Variants in ABCA10 observed in about 807,000 individuals in gnomAD.
The protein encoded by ABCA10 is ATP binding cassette subfamily A member 10.
ABCA10 carries 169 observed loss-of-function variants against 187.5 expected under a neutral mutation model. That is an observed-to-expected ratio of 0.90 (90% CI 0.80 to 1.02). The LOEUF is 1.02. ABCA10 is among the 50% of genes least tolerant of loss of function. ABCA10 has a pLI of 0.00. For missense variants in ABCA10, 1,727 were observed against 1,812.4 expected (o/e 0.95, Z 0.86); for synonymous variants, 574 against 601.8 (o/e 0.95, Z 0.68).
intron 1 of ABCA10, chr17:69,244,237 A>G (rs1333601777): frequency 6.6e-6 from 1 of 152,164 alleles, no homozygotes; most frequent in Non-Finnish European, 1.5e-5. Flanking sequence ...AATGTAAATT[A>G]AAACAAAGTA....
Position 69,239,382 on chromosome 17 carries a change from A to G in ABCA10, c.-593+5147T>C, listed in dbSNP as rs138031370. The stretch of plus-strand genomic sequence containing the variant: ...TGAGCTGCAAAAGATACATATTTAT[A>G]ATTGTAAGCTCCTTTTAGTAAATAA... On this transcript the variant is annotated intron_variant, in intron 1 of 39. Transcript: ENST00000269081. Among the ~76,000 whole-genome samples, 652 of 152,332 alleles carry G rather than the reference A, an allele frequency of 4.3e-3. 2 individuals carry two copies. Among genetic ancestry groups the G allele is most frequent in the Non-Finnish European group, 5.1e-3 (348 of 68,032 alleles).
intron 27 of ABCA10, among the ~76,000 whole-genome samples, chr17:69,162,838 C>CATATAT (rs376385505): frequency 2.0e-4 from 24 of 120,818 alleles, no homozygotes; most frequent in East Asian, 1.5e-3. Context: ...TATACATATA[C>CATATAT]ATATATATAT....
At position 69,182,749 on chromosome 17, in the gene ABCA10, C is replaced by G; in HGVS notation, c.2557G>C (p.Asp853His). Residue 853 changes from aspartate (D) to histidine (H), a missense_variant, in exon 21 of 39, where the codon GAT (aspartate) becomes CAT (histidine). Transcript: ENST00000690296. ...LKCQDIVLEI[D>H]DFRNRNGSDD... ...GAGCCATTTCTGTTTCTAAAGTCATCTATTTCCAAAACTATATCCTGACAC... is the reference window on the plus strand; with the variant it reads ...GAGCCATTTCTGTTTCTAAAGTCATGTATTTCCAAAACTATATCCTGACAC... The G allele has an allele frequency of 1.2e-6, 2 of 1,611,994 alleles. No individual in the cohort carries two copies. Among genetic ancestry groups the G allele is most frequent in the South Asian group, 2.2e-5 (2 of 90,928 alleles).
Position 69,192,612 on chromosome 17 carries a change from C to A in ABCA10, c.1822G>T (p.Gly608Ter). The A allele has an allele frequency of 6.2e-7, 1 of 1,613,630 alleles. No homozygotes were observed. Among genetic ancestry groups the A allele is most frequent in the Non-Finnish European group, 8.5e-7 (1 of 1,179,874 alleles). Residue 608 changes from glycine (G) to a stop codon, truncating the protein, a stop_gained, in exon 16 of 39, where the codon GGA (glycine) becomes TGA (stop). Coordinates refer to ENST00000690296, the MANE Select transcript of ABCA10 (RefSeq NM_001377321.1). LOFTEE classifies it high-confidence loss of function. ...TTTCGCTTCAGAAACAAAGATGATC[C>A]TGCACATTTCAACTTCCCATTAGAC... ...FLSNGKLKCAGSSLFLKRKWG... is the reference protein window; with the variant it reads ...FLSNGKLKCA
chr17:69,211,336 T>A (rs1179464733), intron 9 of ABCA10, among the ~76,000 whole-genome samples: 1 of 117,514 alleles, frequency 8.5e-6, no homozygotes, highest in African/African-American at 4.1e-5. Flanking sequence ...TATATATATA[T>A]ATATATATAT....
chr17:69,197,878 T>C (rs547066252), intron 10 of ABCA10, among the ~76,000 whole-genome samples: 1 of 152,328 alleles, frequency 6.6e-6, no homozygotes, highest in East Asian at 1.9e-4. Flanking sequence ...CTTCAACTCC[T>C]ACCTAAATTC....
chr17:69,189,696 G>A (rs1406722161), intron 18 of ABCA10, among the ~76,000 whole-genome samples: 6 of 152,224 alleles, frequency 3.9e-5, no homozygotes, highest in Admixed American at 2.0e-4. Context: ...GTTTATTTTT[G>A]TATAGGGTGA....
chr17:69,154,445 G>C lies in ABCA10; in HGVS notation c.3695-119C>G, dbSNP rs181408026. On this transcript the variant is annotated intron_variant, in intron 30 of 38. Transcript: ENST00000690296. ...CTTTTTTTTTTTTTTTTTTTTCAGA[G>C]ACAGAGTTTTGCTCTGTTGCCTAGG... 2.0e-5 allele frequency: 14 copies of C among 716,092 alleles called. No individual in the cohort carries two copies. The African/African-American group carries it at 2.3e-4, about 12-fold the overall frequency. 44.4% of individuals were successfully genotyped at this position (716,092 alleles called of 1,614,324 possible). A position where few individuals can be genotyped will look rare whatever the true frequency, so the allele number is the denominator to read the frequency against.
At chr17:69,195,427 TG>T (rs2074490719) in intron 11 of ABCA10, among the ~76,000 whole-genome samples, 1 of 151,754 alleles carries the variant, frequency 6.6e-6, no homozygotes, top group African/African-American at 2.4e-5. Context: ...TTATCCCTCA[TG>T]GCAGAAACAT....
chr17:69,214,694 A>G lies in ABCA10; in HGVS notation c.1006+10T>C. ...CTTTAAATTTAACTTTAACCACACT[A>G]TTAACTTACCAGGTAAAACTCGCTC... On this transcript the variant is annotated intron_variant, in intron 9 of 38. Coordinates refer to ENST00000690296, the MANE Select transcript of ABCA10 (RefSeq NM_001377321.1). 1 of 1,473,790 alleles carries G rather than the reference A, an allele frequency of 6.8e-7. No homozygotes were observed. The highest frequency in any genetic ancestry group is 1.4e-5 in the South Asian group (1 of 72,092). 91.3% of individuals were successfully genotyped at this position (1,473,790 alleles called of 1,614,324 possible).
intron 11 of ABCA10, 112 bp downstream of exon 11, chr17:69,196,952 G>C (rs567686169): frequency 1.0e-5 from 8 of 778,548 alleles, no homozygotes; most frequent in Non-Finnish European, 1.6e-5. Context: ...GCAGTGAGCC[G>C]AGATGGCGGC....
intron 7 of ABCA10, 60 bp from the exon 8 acceptor site, chr17:69,216,060 A>G: frequency 1.3e-6 from 2 of 1,567,614 alleles, no homozygotes; most frequent in Non-Finnish European, 1.7e-6. Context: ...AAATAGCAAT[A>G]TTCATCGATT....
Position 69,216,336 on chromosome 17 carries a change from T to C in ABCA10, c.553A>G (p.Ile185Val). The change falls in exon 7 of 39, where the codon ATT becomes GTT. Residue 185 changes from isoleucine to valine, a missense_variant. By Grantham distance (29) the Ile-to-Val change is conservative. Coordinates refer to ENST00000690296, the MANE Select transcript of ABCA10 (RefSeq NM_001377321.1). ...ATGGACATAATGAAGATGAAGCAAA[T>C]GTATGTCAATCCCCAGGAGAGCCTA... The part of the protein sequence containing the change: ...AFWLSWGLTY[I>V]CFIFIMSIFM... The C allele has an allele frequency of 2.5e-6, 4 of 1,612,878 alleles. No homozygotes were observed. Among genetic ancestry groups the C allele is most frequent in the Non-Finnish European group, 3.4e-6 (4 of 1,179,476 alleles).
chr17:69,219,825 GA>G, intron 5 of ABCA10, 54 bp from the exon 6 acceptor site: 1 of 1,207,742 alleles, frequency 8.3e-7, no homozygotes, highest in South Asian at 1.9e-5. Context: ...AAATATATTA[GA>G]AAACTATACA....
intron 27 of ABCA10, among the ~76,000 whole-genome samples, chr17:69,162,605 C>T (rs766531452): frequency 1.3e-5 from 2 of 152,042 alleles, no homozygotes; most frequent in Non-Finnish European, 2.9e-5. Flanking sequence ...TCTGATTTGG[C>T]TCCTTCTGAA....
At chr17:69,218,491 T>C (rs1007394706) in intron 6 of ABCA10, among the ~76,000 whole-genome samples, 1 of 152,126 alleles carries the variant, frequency 6.6e-6, no homozygotes, top group Non-Finnish European at 1.5e-5. Context: ...ACAATGTTCA[T>C]TATTATTTCT....
At chr17:69,197,638 G>A (rs2074515557) in intron 10 of ABCA10, among the ~76,000 whole-genome samples, 1 of 152,062 alleles carries the variant, frequency 6.6e-6, no homozygotes, top group South Asian at 2.1e-4. Context: ...CAAATCTAAT[G>A]AACACTTTTT....
At chr17:69,158,031 T>A (rs995414292) in intron 27 of ABCA10, among the ~76,000 whole-genome samples, 1 of 151,936 alleles carries the variant, frequency 6.6e-6, no homozygotes, top group African/African-American at 2.4e-5. Context: ...AGATTCCAGA[T>A]TCATTCTTGA....
At chr17:69,223,120 T>A (rs1295007378) in intron 3 of ABCA10, among the ~76,000 whole-genome samples, 1 of 152,178 alleles carries the variant, frequency 6.6e-6, no homozygotes, top group Non-Finnish European at 1.5e-5. Context: ...CTCATATTTT[T>A]GCTTCATACA....
Sources: allele counts gnomAD v4.1 joint callset (sites outside exome capture counted in the v4.1 genomes callset), GRCh38; gene constraint gnomAD v4.1.1; transcripts MANE v1.5; gene names NCBI Gene and HGNC (gene_info 2026-07-23, HGNC 2026-07-21).